ARMC9: variants seen among roughly 807,000 people sequenced by gnomAD.
ARMC9 encodes the protein lisH domain-containing protein ARMC9.
Under a neutral mutation model 107.0 loss-of-function variants are expected in ARMC9, and 94 were observed. The observed-to-expected ratio is 0.88, with a 90% CI of 0.74 to 1.04. The LOEUF (loss-of-function observed/expected upper bound fraction) is 1.04. Ranked by LOEUF, ARMC9 falls within the 50% of genes least tolerant of loss-of-function variation. The pLI is 0.00. For synonymous variants in ARMC9, 380 were observed against 396.9 expected, an observed-to-expected ratio of 0.96 and a Z score of 0.51; for missense variants, 942 against 1,030.1, an observed-to-expected ratio of 0.91 and a Z score of 1.17.
intron 23 of ARMC9, among the ~76,000 whole-genome samples, chr2:231,364,562 C>A (rs757071623): frequency 1.3e-5 from 2 of 152,036 alleles, no homozygotes; most frequent in African/African-American, 4.8e-5. Context: ...TTTGGGAGGC[C>A]GAGGCGGGCG....
rs922428368 is a variant in ARMC9, at chr2:231,376,548, C to T, written c.*5013C>T. 6.6e-6 allele frequency among the ~76,000 whole-genome samples: 1 copy of T among 152,198 alleles called. No homozygotes were observed. The highest frequency in any genetic ancestry group is 1.9e-4 in the East Asian group (1 of 5,180). Reference sequence around the variant, plus strand: ...CCCGCCTAATAAATTTTGGTCAGACCGGTTGCTCTCAAACCCTGTCTCCTG... The same window carrying T: ...CCCGCCTAATAAATTTTGGTCAGACTGGTTGCTCTCAAACCCTGTCTCCTG... On this transcript the variant is annotated 3_prime_UTR_variant, in exon 25 of 25. Transcript: ENST00000611582.
chr2:231,251,274 C>G (rs2037272760), intron 9 of ARMC9, among the ~76,000 whole-genome samples: 1 of 152,132 alleles, frequency 6.6e-6, no homozygotes, highest in African/African-American at 2.4e-5. Flanking sequence ...TCAAGCGATT[C>G]TCCTGCCTCG....
intron 4 of ARMC9, among the ~76,000 whole-genome samples, chr2:231,215,804 T>C (rs2033436832): frequency 6.6e-6 from 1 of 152,154 alleles, no homozygotes; most frequent in Non-Finnish European, 1.5e-5. Context: ...GGACCATACA[T>C]TGTGGTAGCC....
intron 9 of ARMC9, among the ~76,000 whole-genome samples, chr2:231,244,257 C>T (rs2036558804): frequency 6.6e-6 from 1 of 152,140 alleles, no homozygotes; most frequent in African/African-American, 2.4e-5. Context: ...GCCCTTCTTT[C>T]CCCCTGAGTT....
chr2:231,279,913 G>A (rs1424646923), intron 16 of ARMC9, among the ~76,000 whole-genome samples: 1 of 152,184 alleles, frequency 6.6e-6, no homozygotes, highest in African/African-American at 2.4e-5. Context: ...GCAAGTGGAT[G>A]TTTGGTGTCT....
intron 19 of ARMC9, among the ~76,000 whole-genome samples, chr2:231,317,274 G>T (rs1230180858): frequency 6.6e-6 from 1 of 151,716 alleles, no homozygotes; most frequent in African/African-American, 2.4e-5. Flanking sequence ...GGGTTCAAGC[G>T]ATTCTCCTGC....
chr2:231,344,771 G>C (rs1425803165), intron 20 of ARMC9, among the ~76,000 whole-genome samples: 1 of 152,104 alleles, frequency 6.6e-6, no homozygotes, highest in Non-Finnish European at 1.5e-5. Flanking sequence ...CTGCTAAATG[G>C]TGTGATACAC....
Position 231,360,832 on chromosome 2 carries a change from C to G in ARMC9, c.2210C>G (p.Pro737Arg). The G allele has an allele frequency of 1.3e-6, 2 of 1,535,946 alleles. No homozygotes were observed. Among genetic ancestry groups the G allele is most frequent in the East Asian group, 2.4e-5 (1 of 40,918 alleles). ...EEPRPAPTGT[P>R]RQPREAPQDP... ...CCTCGCCCAGCCCCCACGGGGACCCCCCGCCAGCCAAGGGAGGCGCCCCAG... is the reference window on the plus strand; with the variant it reads ...CCTCGCCCAGCCCCCACGGGGACCCGCCGCCAGCCAAGGGAGGCGCCCCAG... The change falls in exon 23 of 25, where the codon CCC becomes CGC. Residue 737 changes from proline (P) to arginine (R), a missense_variant. Coordinates refer to ENST00000611582, the MANE Select transcript of ARMC9 (RefSeq NM_001352754.2). The surrounding 1 kb of genome is among the most constrained non-coding windows in gnomAD (Gnocchi z 4.7).
intron 19 of ARMC9, among the ~76,000 whole-genome samples, chr2:231,303,863 G>A (rs1188099426): frequency 6.6e-6 from 1 of 152,198 alleles, no homozygotes; most frequent in African/African-American, 2.4e-5. Flanking sequence ...TTGAACCTGG[G>A]AGGTGGAGGT....
At position 231,282,080 on chromosome 2, in the gene ARMC9, G is replaced by C. The variant is rs1164407520; in HGVS notation, c.1573G>C (p.Ala525Pro). Reference protein sequence around the residue: ...NHEIQPYVNGALYSILSVPSI... With the variant: ...NHEIQPYVNGPLYSILSVPSI... ...AAAGATACAGCCGTATGTGAATGGAGCTCTGTACAGCATCCTTTCTGTTCC... is the reference window on the plus strand; with the variant it reads ...AAAGATACAGCCGTATGTGAATGGACCTCTGTACAGCATCCTTTCTGTTCC... The change falls in exon 17 of 25, where the codon GCT (alanine) becomes CCT (proline). Residue 525 changes from alanine (A) to proline (P), a missense_variant. Transcript: ENST00000611582. 2 of 1,613,988 alleles carry C rather than the reference G, an allele frequency of 1.2e-6. No individual in the cohort carries two copies. The highest frequency in any genetic ancestry group is 1.3e-5 in the African/African-American group (1 of 74,902).
intron 19 of ARMC9, among the ~76,000 whole-genome samples, chr2:231,315,628 T>A (rs2042625722): frequency 1.3e-5 from 2 of 152,246 alleles, no homozygotes; most frequent in Admixed American, 1.3e-4. Context: ...TGTCTAGCTC[T>A]ATGCTAGTAC....
intron 6 of ARMC9, 47 bp downstream of exon 6, chr2:231,222,867 TTTTA>T (rs757256208): frequency 1.5e-6 from 2 of 1,320,246 alleles, no homozygotes; most frequent in Non-Finnish European, 2.1e-6. Flanking sequence ...TTAGAGCAGA[TTTTA>T]TTTAGAGTTG....
intron 18 of ARMC9, among the ~76,000 whole-genome samples, chr2:231,291,839 A>G (rs1266929558): frequency 6.7e-6 from 1 of 149,734 alleles, no homozygotes; most frequent in Non-Finnish European, 1.5e-5. Context: ...GGCCTTTAGG[A>G]AGGTGGGGAG....
chr2:231,282,220 C>T, intron 17 of ARMC9, 87 bp downstream of exon 17: 1 of 1,354,820 alleles, frequency 7.4e-7, no homozygotes, highest in Admixed American at 1.7e-5. Flanking sequence ...GATTGGGCTC[C>T]ATAGAAAGGC....
At chr2:231,211,872 A>G (rs1414849518) in intron 3 of ARMC9, among the ~76,000 whole-genome samples, 1 of 152,146 alleles carries the variant, frequency 6.6e-6, no homozygotes, top group Non-Finnish European at 1.5e-5. Flanking sequence ...CTATTTTTAT[A>G]TAACTTCAAA....
At chr2:231,361,859 G>A (rs1311398862) in intron 23 of ARMC9, among the ~76,000 whole-genome samples, 9 of 152,186 alleles carry the variant, frequency 5.9e-5, no homozygotes, top group African/African-American at 1.7e-4. Flanking sequence ...GAGAAAATCG[G>A]AGAGAGAAAG....
Position 231,371,356 on chromosome 2 carries a change from C to T in ARMC9, c.2435-157C>T, listed in dbSNP as rs564072986. 1.6e-4 allele frequency among the ~76,000 whole-genome samples: 24 copies of T among 152,224 alleles called. No individual in the cohort carries two copies. In the East Asian group the frequency reaches 3.5e-3, roughly 22 times the overall value. On this transcript the variant is annotated intron_variant, in intron 24 of 24. Coordinates refer to ENST00000611582, the MANE Select transcript of ARMC9 (RefSeq NM_001352754.2). ...AGCCTGCTTCCTGTGAGGAAAGAGC[C>T]GGCCCGCCAGTCGAGCCCAGGCCAC... is the stretch of plus-strand genomic sequence containing the variant.
intron 2 of ARMC9, 104 bp from the exon 3 acceptor site, chr2:231,208,023 T>C (rs1300950357): frequency 1.6e-6 from 1 of 607,810 alleles, no homozygotes; most frequent in Non-Finnish European, 2.9e-6. Context: ...TGTTGGTCTT[T>C]TTAATGTCTT....
chr2:231,322,761 G>A (rs1219590574), intron 19 of ARMC9, among the ~76,000 whole-genome samples: 1 of 152,092 alleles, frequency 6.6e-6, no homozygotes, highest in East Asian at 1.9e-4. Context: ...TCTAACATTA[G>A]TAATCTGATG....
Sources: gnomAD v4.1 joint callset for allele counts (sites outside exome capture counted in the v4.1 genomes callset) on GRCh38, gnomAD v4.1.1 for gene constraint, Gnocchi (gnomAD v3.1) non-coding constraint, MANE v1.5 for transcripts, NCBI Gene and HGNC (gene_info 2026-07-23, HGNC 2026-07-21) for gene names.